ADRA1B: variants seen among roughly 807,000 people sequenced by gnomAD.
ADRA1B encodes the protein alpha-1B adrenergic receptor.
ADRA1B carries 17 observed loss-of-function variants against 17.9 expected under a neutral mutation model. The ratio of observed to expected loss-of-function variants is 0.95; its 90% CI spans 0.65 to 1.42. The LOEUF is 1.42. ADRA1B is among the 40% of genes most tolerant of loss of function. The pLI, the probability that ADRA1B is intolerant of heterozygous loss-of-function variation, is 0.00. For missense variants in ADRA1B, 681 were observed against 722.1 expected, an observed-to-expected ratio of 0.94 and a Z score of 0.65; for synonymous variants, 366 against 327.6, an observed-to-expected ratio of 1.12 and a Z score of -1.27.
At chr5:159,951,711 C>T (rs1755445292) in intron 1 of ADRA1B, among the ~76,000 whole-genome samples, 1 of 152,206 alleles carries the variant, frequency 6.6e-6, no homozygotes, top group South Asian at 2.1e-4. Context: ...TGGGGTCTCA[C>T]TGTGCACAAA....
chr5:159,909,452 G>C lies in ADRA1B; in HGVS notation c.-255-6667G>C. The stretch of plus-strand genomic sequence containing the variant: ...ACTTCCTTTAGACTTTTCTGAACTT[G>C]GTAGCTACAAGTGAAAATCCCCCAA... On this transcript the variant is annotated intron_variant, in intron 1 of 2. Coordinates refer to the ADRA1B transcript ENST00000641205. Among the ~76,000 whole-genome samples, 2 of 152,124 alleles carry C rather than the reference G, an allele frequency of 1.3e-5. 1 individual carries two copies. The highest frequency in any genetic ancestry group is 1.3e-4 in the Admixed American group (2 of 15,274).
chr5:159,959,965 ATC>A (rs1755634414), intron 1 of ADRA1B, among the ~76,000 whole-genome samples: 1 of 152,184 alleles, frequency 6.6e-6, no homozygotes, highest in Non-Finnish European at 1.5e-5. Context: ...ACCACTTAAT[ATC>A]TGTGTCATAT....
At chr5:159,982,644 ATCC>A in the ADRA1B span, among the ~76,000 whole-genome samples, 3,105 of 152,168 alleles carry the variant, frequency 0.02, 97 homozygotes, top group African/African-American at 0.07. Flanking sequence ...AGCCTGGACA[ATCC>A]TCCTTTGTAC....
intron 1 of ADRA1B, among the ~76,000 whole-genome samples, chr5:159,876,560 T>C (rs1000628584): frequency 3.3e-5 from 5 of 152,288 alleles, no homozygotes; most frequent in African/African-American, 7.2e-5. Flanking sequence ...AGACCAAACA[T>C]GGCTCATTCC....
intron 1 of ADRA1B, among the ~76,000 whole-genome samples, chr5:159,895,816 T>C (rs940695279): frequency 6.6e-6 from 1 of 152,252 alleles, no homozygotes; most frequent in African/African-American, 2.4e-5. Flanking sequence ...GAAGGCGTGG[T>C]CCAATTTCAG....
intron 1 of ADRA1B, among the ~76,000 whole-genome samples, chr5:159,902,599 C>T (rs1009891): frequency 0.27 from 40,641 of 152,066 alleles, 5,742 homozygotes; most frequent in Middle Eastern, 0.31. Flanking sequence ...AAGGCCCCAC[C>T]CTGGGTGACA....
intron 1 of ADRA1B, among the ~76,000 whole-genome samples, chr5:159,896,669 C>T (rs946353296): frequency 6.6e-6 from 1 of 152,168 alleles, no homozygotes; most frequent in African/African-American, 2.4e-5. Flanking sequence ...CAAATCCATC[C>T]TTGTTTTATG....
chr5:159,976,411 T>G (rs1181242612), downstream of ADRA1B, among the ~76,000 whole-genome samples: 1 of 152,030 alleles, frequency 6.6e-6, no homozygotes. Flanking sequence ...TCCCAGCACT[T>G]CGGGAGGCTG....
At chr5:159,869,611 C>T (rs1213588353) in intron 1 of ADRA1B, 1 of 152,208 alleles carries the variant, frequency 6.6e-6, no homozygotes, top group African/African-American at 2.4e-5. Context: ...CCAGAAGATA[C>T]ACAGTAATAT....
chr5:159,933,722 T>C (rs888446857), intron 1 of ADRA1B, among the ~76,000 whole-genome samples: 1 of 152,244 alleles, frequency 6.6e-6, no homozygotes, highest in Non-Finnish European at 1.5e-5. Context: ...AGCCACAGCG[T>C]ATAAACAGAT....
intron 1 of ADRA1B, among the ~76,000 whole-genome samples, chr5:159,897,201 G>T (rs1214508675): frequency 5.9e-5 from 9 of 152,126 alleles, no homozygotes; most frequent in Admixed American, 5.9e-4. Context: ...CTTAGGACTG[G>T]TCCCAGTCAG....
intron 1 of ADRA1B, among the ~76,000 whole-genome samples, chr5:159,881,325 C>G (rs1033140790): frequency 3.3e-5 from 5 of 151,712 alleles, no homozygotes; most frequent in African/African-American, 7.3e-5. Context: ...CTCTCTCTCT[C>G]TCTCTCTCTC....
intron 1 of ADRA1B, among the ~76,000 whole-genome samples, chr5:159,943,878 A>C (rs559133158): frequency 6.6e-6 from 1 of 150,470 alleles, no homozygotes; most frequent in South Asian, 2.1e-4. Flanking sequence ...GACTACCACA[A>C]TTGGCTCTCA....
chr5:159,960,014 C>T (rs1012912796), intron 1 of ADRA1B, among the ~76,000 whole-genome samples: 29 of 152,294 alleles, frequency 1.9e-4, no homozygotes, highest in African/African-American at 6.7e-4. Flanking sequence ...TCCATTTCCA[C>T]ATTTGTAAAT....
intron 1 of ADRA1B, among the ~76,000 whole-genome samples, chr5:159,953,895 A>G (rs1236562311): frequency 6.6e-6 from 1 of 151,488 alleles, no homozygotes; most frequent in Non-Finnish European, 1.5e-5. Context: ...GAGCTGGTGA[A>G]AAAAAAAAGA....
chr5:159,897,042 C>A (rs760127758), intron 1 of ADRA1B, among the ~76,000 whole-genome samples: 4 of 152,182 alleles, frequency 2.6e-5, no homozygotes, highest in Non-Finnish European at 5.9e-5. Context: ...TTGGCAATGG[C>A]TAGAAAGTCA....
At chr5:159,948,300 T>C in intron 1 of ADRA1B, 2 of 985,442 alleles carry the variant, frequency 2.0e-6, no homozygotes, top group African/African-American at 3.5e-5. Context: ...GCACTGCCCT[T>C]CAAAGCACTT....
intron 1 of ADRA1B, among the ~76,000 whole-genome samples, chr5:159,957,506 C>CAA (rs201392371): frequency 0.019 from 1,766 of 91,874 alleles, 18 homozygotes; most frequent in Non-Finnish European, 0.029. Context: ...GACTCTGTCT[C>CAA]AAAAAAAAAA....
intron 1 of ADRA1B, among the ~76,000 whole-genome samples, chr5:159,873,616 A>T (rs902962809): frequency 6.6e-6 from 1 of 152,192 alleles, no homozygotes; most frequent in Admixed American, 6.5e-5. Flanking sequence ...TGACTATGAC[A>T]GCCTATGACA....
Sources: allele counts gnomAD v4.1 joint callset (sites outside exome capture counted in the v4.1 genomes callset), GRCh38; gene constraint gnomAD v4.1.1; transcripts MANE v1.5; gene names NCBI Gene and HGNC (gene_info 2026-07-23, HGNC 2026-07-21).